PDIA5: variants seen among roughly 807,000 people sequenced by gnomAD.
PDIA5 encodes protein disulfide isomerase family A member 5, also known as protein disulfide-isomerase A5.
A neutral mutation model predicts 77.6 loss-of-function variants in PDIA5; 58 were observed. That is an observed-to-expected ratio of 0.75 (90% CI 0.61 to 0.93). The LOEUF (loss-of-function observed/expected upper bound fraction) is 0.93, where lower values mean the gene tolerates loss of function less well. Ranked by LOEUF, PDIA5 falls within the 40% of genes least tolerant of loss-of-function variation. The pLI is 0.00. For missense variants in PDIA5, 630 were observed against 647.7 expected (o/e 0.97, Z 0.30); for synonymous variants, 250 against 252.1 (o/e 0.99, Z 0.08).
chr3:123,109,546 T>TA (rs1934815845), intron 6 of PDIA5, among the ~76,000 whole-genome samples: 1 of 152,152 alleles, frequency 6.6e-6, no homozygotes, highest in Admixed American at 6.6e-5. Flanking sequence ...TCTCTCTAGT[T>TA]ACGTAAACAA....
At chr3:123,082,992 G>A (rs1176421598) in intron 1 of PDIA5, among the ~76,000 whole-genome samples, 1 of 152,150 alleles carries the variant, frequency 6.6e-6, no homozygotes, top group Non-Finnish European at 1.5e-5. Context: ...GTGGGATGGT[G>A]GTTTGTCTGG....
chr3:123,068,854 G>A (rs916748976), intron 1 of PDIA5, among the ~76,000 whole-genome samples: 4 of 152,186 alleles, frequency 2.6e-5, no homozygotes, highest in South Asian at 2.1e-4. Flanking sequence ...TTAAGTACTA[G>A]TATCCTTCAC....
chr3:123,136,328 T>C (rs571618324), intron 11 of PDIA5, among the ~76,000 whole-genome samples: 107 of 152,350 alleles, frequency 7.0e-4, no homozygotes, highest in Middle Eastern at 6.8e-3. Flanking sequence ...CATAAGAATA[T>C]AGTGCAGACA....
At chr3:123,130,682 C>T (rs1317392629) in intron 11 of PDIA5, 66 bp downstream of exon 11, 61 of 1,549,804 alleles carry the variant, frequency 3.9e-5, no homozygotes, top group Admixed American at 8.5e-5. Context: ...GAGTGTGGCG[C>T]TTTGCAATGT....
chr3:123,106,949 A>G (rs1934749694), intron 6 of PDIA5, 108 bp downstream of exon 6: 1 of 760,676 alleles, frequency 1.3e-6, no homozygotes, highest in Non-Finnish European at 2.2e-6. Context: ...TTCCAGGATC[A>G]CTTGTACTTT....
Position 123,116,573 on chromosome 3 carries a change from CA to C in PDIA5, c.609+276del, listed in dbSNP as rs1202570014. The stretch of plus-strand genomic sequence containing the variant: ...CAGCAAGATGCACATGTGGCATTGT[CA>C]GGGGGCCAGGGACCAAGGTCGGAAC... On this transcript the variant is annotated intron_variant, in intron 8 of 16. Coordinates refer to ENST00000316218, the MANE Select transcript of PDIA5 (RefSeq NM_006810.4). 7.2e-5 allele frequency among the ~76,000 whole-genome samples: 11 copies of C among 152,338 alleles called. No homozygotes were observed. In the East Asian group the frequency reaches 2.1e-3, roughly 29 times the overall value.
rs73195688 is a variant in PDIA5 at position 123,116,259 on chromosome 3, G to T, written c.570G>T (p.Pro190=). The change falls in exon 8 of 17, where the codon CCG becomes CCT. Residue 190 remains proline, a synonymous_variant. Transcript: ENST00000316218. ...PWCSMCKRMM[P]HFQKAATQLR... is the part of the protein sequence containing the mutation. ...GCAGCATGTGCAAGAGGATGATGCC[G>T]CATTTCCAGAAGGCTGCGACTCAGC... The T allele has an allele frequency of 1.9e-6, 3 of 1,613,912 alleles. No homozygotes were observed. The highest frequency in any genetic ancestry group is 2.5e-6 in the Non-Finnish European group (3 of 1,179,934).
At chr3:123,088,342 G>C (rs1316621812) in intron 1 of PDIA5, among the ~76,000 whole-genome samples, 1 of 152,134 alleles carries the variant, frequency 6.6e-6, no homozygotes, top group Non-Finnish European at 1.5e-5. Flanking sequence ...CTCTGGGGGA[G>C]AATTGGCTCA....
intron 15 of PDIA5, among the ~76,000 whole-genome samples, chr3:123,159,098 C>G (rs1936090098): frequency 6.6e-6 from 1 of 152,222 alleles, no homozygotes; most frequent in African/African-American, 2.4e-5. Context: ...TCCAATAGCT[C>G]CAGGGCATTG....
At chr3:123,148,072 C>T (rs1935809648) in intron 13 of PDIA5, among the ~76,000 whole-genome samples, 1 of 152,182 alleles carries the variant, frequency 6.6e-6, no homozygotes, top group African/African-American at 2.4e-5. Context: ...TTCTTAAGTG[C>T]TTTTAGGTCA....
intron 11 of PDIA5, among the ~76,000 whole-genome samples, chr3:123,144,339 G>A (rs1235026066): frequency 3.3e-5 from 5 of 152,044 alleles, no homozygotes; most frequent in South Asian, 2.1e-4. Context: ...CCTGTCATCC[G>A]CTGATCCTAG....
At chr3:123,134,473 C>T (rs1022663968) in intron 11 of PDIA5, among the ~76,000 whole-genome samples, 1 of 152,148 alleles carries the variant, frequency 6.6e-6, no homozygotes, top group African/African-American at 2.4e-5. Flanking sequence ...GCAGGAAAGG[C>T]ACACGGCACC....
intron 10 of PDIA5, among the ~76,000 whole-genome samples, chr3:123,127,452 C>T (rs1340238508): frequency 3.9e-5 from 6 of 152,182 alleles, no homozygotes; most frequent in Non-Finnish European, 7.3e-5. Context: ...AGTTACAAAG[C>T]ATCTCACATC....
At chr3:123,093,037 G>T (rs553323465) in intron 3 of PDIA5, among the ~76,000 whole-genome samples, 1 of 152,314 alleles carries the variant, frequency 6.6e-6, no homozygotes, top group South Asian at 2.1e-4. Flanking sequence ...GGTTAAGCGA[G>T]CTTTTATGGC....
intron 15 of PDIA5, among the ~76,000 whole-genome samples, chr3:123,159,688 T>C (rs1936109270): frequency 6.6e-6 from 1 of 152,234 alleles, no homozygotes; most frequent in Admixed American, 6.5e-5. Flanking sequence ...CAGATACAGA[T>C]TGCAGGCAGC....
chr3:123,118,728 C>T (rs757432696), intron 8 of PDIA5, among the ~76,000 whole-genome samples: 1 of 152,212 alleles, frequency 6.6e-6, no homozygotes, highest in Non-Finnish European at 1.5e-5. Flanking sequence ...TTCTTTAGCA[C>T]ATAGCACAGG....
chr3:123,093,993 T>G (rs1312644882), intron 3 of PDIA5, among the ~76,000 whole-genome samples: 1 of 152,042 alleles, frequency 6.6e-6, no homozygotes, highest in East Asian at 1.9e-4. Flanking sequence ...GGTGCCTGAG[T>G]GAAATGGGGT....
At chr3:123,080,091 G>T (rs1241993002) in intron 1 of PDIA5, among the ~76,000 whole-genome samples, 1 of 152,020 alleles carries the variant, frequency 6.6e-6, no homozygotes, top group Non-Finnish European at 1.5e-5. Context: ...ATTTCACCTA[G>T]AGAATCCTAA....
intron 11 of PDIA5, among the ~76,000 whole-genome samples, chr3:123,141,651 G>A (rs113200359): frequency 6.6e-5 from 10 of 152,330 alleles, no homozygotes; most frequent in African/African-American, 2.4e-4. Context: ...CAGCAGCTTG[G>A]GGTTGCCCCC....
Sources: allele counts gnomAD v4.1 joint callset (sites outside exome capture counted in the v4.1 genomes callset), GRCh38; gene constraint gnomAD v4.1.1; transcripts MANE v1.5; gene names NCBI Gene and HGNC (gene_info 2026-07-23, HGNC 2026-07-21).